The following SNRPN variants were observed in gnomAD, a reference collection of about 807,000 sequenced individuals.
The protein encoded by SNRPN is small nuclear ribonucleoprotein-associated protein N.
In SNRPN, 7 loss-of-function variants were observed where a neutral mutation model predicts 25.2. That is an observed-to-expected ratio of 0.28 (90% CI 0.16 to 0.52). The LOEUF (loss-of-function observed/expected upper bound fraction) is 0.52. SNRPN is among the 20% of genes least tolerant of loss of function. The probability of loss-of-function intolerance (pLI) is 0.96; values close to 1 mark genes in which losing one functional copy is unlikely to be tolerated. For synonymous variants in SNRPN, 124 were observed against 110.6 expected, an observed-to-expected ratio of 1.12 and a Z score of -0.76; for missense variants, 196 against 322.5, an observed-to-expected ratio of 0.61 and a Z score of 3.00.
At chr15:24,899,077 A>G (rs1416448374) in intron 2 of SNRPN, among the ~76,000 whole-genome samples, 2 of 152,216 alleles carry the variant, frequency 1.3e-5, no homozygotes, top group African/African-American at 2.4e-5. Flanking sequence ...CACATTCCAA[A>G]GGCCACAAGG....
rs762643841 is a variant in SNRPN at position 24,978,486 on chromosome 15, C to T, written c.*42C>T. 12 of 1,568,410 alleles carry T rather than the reference C, an allele frequency of 7.7e-6. No homozygotes were observed. The East Asian group carries it at 1.1e-4, about 15-fold the overall frequency. Reference sequence around the variant, plus strand: ...CTCAGTCACTTTTTCCCCTGCAATGCGTCTTGTGAAATTGTGTAGAGTGTT... The same window carrying T: ...CTCAGTCACTTTTTCCCCTGCAATGTGTCTTGTGAAATTGTGTAGAGTGTT... On this transcript the variant is annotated 3_prime_UTR_variant, in exon 10 of 10. Coordinates refer to ENST00000390687, the MANE Select transcript of SNRPN (RefSeq NM_003097.6).
At position 24,978,682 on chromosome 15, in the gene SNRPN, T is replaced by C. The variant is rs1037161495; in HGVS notation, c.*238T>C. The C allele has an allele frequency of 5.8e-5, 32 of 548,356 alleles. No individual in the cohort carries two copies. Among genetic ancestry groups the C allele is most frequent in the Non-Finnish European group, 9.6e-5 (30 of 312,048 alleles). 34.0% of individuals were successfully genotyped at this position (548,356 alleles called of 1,614,324 possible). ...TATTAAGCAGTTGATTCAAATCATATTCTCTTTAATTCTTAGGATAAAAAG... is the reference window on the plus strand; with the variant it reads ...TATTAAGCAGTTGATTCAAATCATACTCTCTTTAATTCTTAGGATAAAAAG... On this transcript the variant is annotated 3_prime_UTR_variant, in exon 10 of 10. Transcript: ENST00000390687.
At chr15:24,841,308 GA>G (rs2051684189) in intron 2 of SNRPN, among the ~76,000 whole-genome samples, 1 of 152,012 alleles carries the variant, frequency 6.6e-6, no homozygotes. Context: ...TCTTAGCTGT[GA>G]GGGGGCATAA....
intron 2 of SNRPN, chr15:24,911,167 A>T: frequency 1.9e-6 from 1 of 516,372 alleles, no homozygotes; most frequent in Non-Finnish European, 3.1e-6. Flanking sequence ...GGGCCAAAGA[A>T]AATTATTTTT....
chr15:24,863,005 G>A (rs551181113), intron 1 of SNRPN, among the ~76,000 whole-genome samples: 1 of 151,054 alleles, frequency 6.6e-6, no homozygotes, highest in South Asian at 2.1e-4. Context: ...TGCTCCCTGC[G>A]GACTGCCTTC....
intron 3 of SNRPN, among the ~76,000 whole-genome samples, chr15:24,973,398 T>C (rs894876755): frequency 6.6e-6 from 1 of 152,052 alleles, no homozygotes; most frequent in African/African-American, 2.4e-5. Flanking sequence ...ACTTATTTAT[T>C]TATTTTGAGA....
chr15:24,918,560 CATAATATATATGTATATATATAACAT>C (rs2059727960), intron 2 of SNRPN, among the ~76,000 whole-genome samples: 2 of 73,606 alleles, frequency 2.7e-5, no homozygotes, highest in South Asian at 4.2e-4. Flanking sequence ...GTATATATAA[CATAATATATATGTATATATATAACAT>C]AATATATATG....
chr15:24,876,033 A>G (rs7178177), intron 1 of SNRPN, among the ~76,000 whole-genome samples: 122,286 of 150,396 alleles, frequency 0.81, 49,962 homozygotes, highest in East Asian at 0.98. Flanking sequence ...CAGCTTGGGC[A>G]GCAGAGTGAT....
intron 3 of SNRPN, chr15:24,920,421 G>C (rs1295851280): frequency 3.3e-5 from 5 of 152,012 alleles, no homozygotes; most frequent in Admixed American, 3.3e-4. Flanking sequence ...TATCACCTGG[G>C]GGCTTGTTAA....
At chr15:24,858,287 T>A (rs531976083) in intron 1 of SNRPN, among the ~76,000 whole-genome samples, 1 of 152,294 alleles carries the variant, frequency 6.6e-6, no homozygotes, top group South Asian at 2.1e-4. Flanking sequence ...GAATTCCTCC[T>A]GAAGTTCGCG....
At chr15:24,875,911 A>G (rs11161150) in intron 1 of SNRPN, among the ~76,000 whole-genome samples, 83,708 of 151,526 alleles carry the variant, frequency 0.55, 23,721 homozygotes, top group East Asian at 0.89. Flanking sequence ...AAAACTAGCC[A>G]GACATGGTGG....
At chr15:24,927,659 A>G (rs1566921841) in intron 3 of SNRPN, among the ~76,000 whole-genome samples, 1 of 152,034 alleles carries the variant, frequency 6.6e-6, no homozygotes, top group Non-Finnish European at 1.5e-5. Flanking sequence ...TATCTAATCT[A>G]CAGGCCATAA....
chr15:24,927,445 C>G (rs904213325), intron 3 of SNRPN, among the ~76,000 whole-genome samples: 1 of 140,938 alleles, frequency 7.1e-6, no homozygotes, highest in Non-Finnish European at 1.5e-5. Context: ...TTTTTTCTCC[C>G]TCTGTTTCCC....
At chr15:24,975,001 G>A (rs755486003) in intron 4 of SNRPN, 3 of 702,802 alleles carry the variant, frequency 4.3e-6, no homozygotes, top group Non-Finnish European at 5.2e-6. Context: ...AAATGGAAGG[G>A]TTTTGGCATT....
intron 2 of SNRPN, among the ~76,000 whole-genome samples, chr15:24,840,143 A>T (rs1595395209): frequency 6.6e-6 from 1 of 152,172 alleles, no homozygotes; most frequent in South Asian, 2.1e-4. Context: ...GGATCACCTG[A>T]GGTCAGGAGT....
rs1397974973 is a variant in SNRPN, at chr15:24,955,912, ATGAT to A, written c.-391+853_-391+856del. Among the ~76,000 whole-genome samples the A allele has an allele frequency of 3.9e-5, 6 of 151,912 alleles. No individual in the cohort carries two copies. The South Asian group carries it at 1.0e-3, about 26-fold the overall frequency. On this transcript the variant is annotated intron_variant, in intron 1 of 9. Coordinates refer to ENST00000390687, the MANE Select transcript of SNRPN (RefSeq NM_003097.6). The stretch of plus-strand genomic sequence containing the variant: ...GTCCGGAGTGACTAAGGGACGCTGA[ATGAT>A]TGCTGTGTAGAGGAGGGGGCATCAG...
At chr15:24,844,269 G>C (rs2051993257) in intron 2 of SNRPN, among the ~76,000 whole-genome samples, 1 of 152,056 alleles carries the variant, frequency 6.6e-6, no homozygotes, top group Non-Finnish European at 1.5e-5. Context: ...TCTTCCTGCT[G>C]ATAATGGCAT....
intron 2 of SNRPN, among the ~76,000 whole-genome samples, chr15:24,903,000 A>G (rs930022175): frequency 6.6e-6 from 1 of 152,074 alleles, no homozygotes; most frequent in African/African-American, 2.4e-5. Flanking sequence ...TGACTGGTCC[A>G]TTTTTACAGA....
chr15:24,881,619 G>GAGA (rs1555388104), intron 1 of SNRPN, among the ~76,000 whole-genome samples: 3 of 48,104 alleles, frequency 6.2e-5, no homozygotes, highest in African/African-American at 1.1e-4. Context: ...GAGAGAGAGA[G>GAGA]AAAGTCACAG....
Sources: gnomAD v4.1 joint callset for allele counts (sites outside exome capture counted in the v4.1 genomes callset) on GRCh38, gnomAD v4.1.1 for gene constraint, MANE v1.5 for transcripts, NCBI Gene and HGNC (gene_info 2026-07-23, HGNC 2026-07-21) for gene names.